The following ATL2 variants were observed in gnomAD, a reference collection of about 807,000 sequenced individuals.
The protein encoded by ATL2 is atlastin-2.
A neutral mutation model predicts 73.9 loss-of-function variants in ATL2; 31 were observed. The observed-to-expected ratio is 0.42, with a 90% CI of 0.32 to 0.57. The LOEUF (loss-of-function observed/expected upper bound fraction) is 0.57, where lower values mean the gene tolerates loss of function less well. ATL2 is among the 20% of genes least tolerant of loss of function. ATL2 has a pLI of 0.14. For missense variants in ATL2, 738 were observed against 702.6 expected, an observed-to-expected ratio of 1.05 and a Z score of -0.57; for synonymous variants, 291 against 237.5, an observed-to-expected ratio of 1.23 and a Z score of -2.07.
At chr2:38,309,664 C>G (rs1667640521) in intron 8 of ATL2, among the ~76,000 whole-genome samples, 158 bp from the exon 9 acceptor site, 2 of 151,998 alleles carry the variant, frequency 1.3e-5, no homozygotes, top group Admixed American at 1.3e-4. Context: ...CATGCCATAT[C>G]TCATAGGAAA....
intron 2 of ATL2, among the ~76,000 whole-genome samples, chr2:38,338,948 C>A (rs367629309): frequency 2.0e-5 from 3 of 152,156 alleles, no homozygotes; most frequent in African/African-American, 7.2e-5. Context: ...GATCACCAGG[C>A]TCACACCTTT....
At chr2:38,327,243 G>C (rs1668713183) in intron 2 of ATL2, among the ~76,000 whole-genome samples, 1 of 151,898 alleles carries the variant, frequency 6.6e-6, no homozygotes, top group Admixed American at 6.6e-5. Flanking sequence ...AGGATAATAA[G>C]GTAAAATAAA....
chr2:38,303,971 AAAC>A lies in ATL2; in HGVS notation c.1072-3646_1072-3644del, dbSNP rs545476802. On this transcript the variant is annotated intron_variant, in intron 9 of 12. Transcript: ENST00000378954. ...CGTAGAGAAATGACGTCTCTGTTAAAAACAACAACAGGCCAGGCACGGTGGCTC... is the reference window on the plus strand; with the variant it reads ...CGTAGAGAAATGACGTCTCTGTTAAAAACAACAGGCCAGGCACGGTGGCTC... Among the ~76,000 whole-genome samples, 762 of 152,238 alleles carry A rather than the reference AAAC, an allele frequency of 5.0e-3. 5 individuals are homozygous for A. The highest frequency in any genetic ancestry group is 9.0e-3 in the Non-Finnish European group (609 of 68,008).
At chr2:38,370,095 C>T (rs1671582448) in intron 1 of ATL2, among the ~76,000 whole-genome samples, 1 of 133,072 alleles carries the variant, frequency 7.5e-6, no homozygotes, top group African/African-American at 3.0e-5. Flanking sequence ...GCGGAGCCTG[C>T]AGTGAGCCGA....
chr2:38,347,766 C>A (rs1284638239), intron 1 of ATL2, among the ~76,000 whole-genome samples: 1 of 146,562 alleles, frequency 6.8e-6, no homozygotes, highest in African/African-American at 2.6e-5. Context: ...TCTGCCCTTA[C>A]CTTTTTTTTT....
rs142939675 is a variant in ATL2 at position 38,346,774 on chromosome 2, T to C, written c.119-3262A>G. 3.3e-3 allele frequency among the ~76,000 whole-genome samples: 497 copies of C among 152,286 alleles called. 4 individuals are homozygous for C. Among genetic ancestry groups the C allele is most frequent in the African/African-American group, 0.011 (474 of 41,552 alleles). On this transcript the variant is annotated intron_variant, in intron 1 of 12. Transcript: ENST00000378954. The stretch of plus-strand genomic sequence containing the variant: ...CCCTCTTGCTGTGCGGCCCAGTTCC[T>C]AACAGGCCACGGACGAGTACCAGTC...
At chr2:38,333,331 T>C (rs1029259919) in intron 2 of ATL2, among the ~76,000 whole-genome samples, 1 of 152,040 alleles carries the variant, frequency 6.6e-6, no homozygotes, top group Non-Finnish European at 1.5e-5. Flanking sequence ...ACAAGCTAAA[T>C]AGCAAAATTG....
intron 4 of ATL2, among the ~76,000 whole-genome samples, chr2:38,318,134 T>C (rs1668122619): frequency 6.6e-6 from 1 of 152,130 alleles, no homozygotes. Flanking sequence ...CACTCCAACC[T>C]GGGCAACATA....
At chr2:38,303,410 T>C (rs1349547226) in intron 9 of ATL2, among the ~76,000 whole-genome samples, 1 of 151,988 alleles carries the variant, frequency 6.6e-6, no homozygotes, top group East Asian at 1.9e-4. Flanking sequence ...TTCACCATGT[T>C]GCCCAGACTG....
intron 2 of ATL2, among the ~76,000 whole-genome samples, chr2:38,323,881 A>G (rs1256022477): frequency 6.6e-6 from 1 of 152,170 alleles, no homozygotes; most frequent in East Asian, 1.9e-4. Flanking sequence ...ACTGCTGGCA[A>G]GCTGACTCCC....
intron 1 of ATL2, among the ~76,000 whole-genome samples, chr2:38,370,042 T>C (rs986666139): frequency 6.9e-6 from 1 of 144,724 alleles, no homozygotes; most frequent in African/African-American, 2.6e-5. Flanking sequence ...TAGTCCCAGG[T>C]ACTCGGGAGG....
At chr2:38,321,595 C>G (rs1045297844) in intron 2 of ATL2, among the ~76,000 whole-genome samples, 2 of 152,208 alleles carry the variant, frequency 1.3e-5, no homozygotes, top group African/African-American at 4.8e-5. Flanking sequence ...TCCATAGTCA[C>G]TGAATGTTCA....
intron 1 of ATL2, among the ~76,000 whole-genome samples, chr2:38,360,894 A>G (rs912747782): frequency 6.6e-6 from 1 of 151,930 alleles, no homozygotes; most frequent in Admixed American, 6.6e-5. Context: ...AGAACGAAAC[A>G]TGGTTCCTTG....
At chr2:38,303,018 T>C (rs565282430) in intron 9 of ATL2, among the ~76,000 whole-genome samples, 3 of 152,202 alleles carry the variant, frequency 2.0e-5, no homozygotes, top group African/African-American at 7.2e-5. Context: ...CAGAGATAAC[T>C]GACCTTTCAG....
intron 10 of ATL2, 40 bp from the exon 11 acceptor site, chr2:38,299,367 CTA>C (rs1236000415): frequency 6.7e-7 from 1 of 1,500,702 alleles, no homozygotes; most frequent in Non-Finnish European, 8.8e-7. Flanking sequence ...AAAAAATACT[CTA>C]TGACTCTAAA....
intron 9 of ATL2, among the ~76,000 whole-genome samples, chr2:38,302,770 C>G (rs1397537904): frequency 1.3e-5 from 2 of 152,158 alleles, no homozygotes; most frequent in African/African-American, 4.8e-5. Context: ...TTGAAATGTC[C>G]CTAATGCAGA....
chr2:38,343,642 T>C (rs1301167451), intron 1 of ATL2, 130 bp from the exon 2 acceptor site: 1 of 800,682 alleles, frequency 1.2e-6, no homozygotes, highest in East Asian at 2.7e-5. Context: ...ATTATAATGT[T>C]CCTTTGGATT....
chr2:38,370,086 C>T (rs1392576062), intron 1 of ATL2, among the ~76,000 whole-genome samples: 7 of 128,782 alleles, frequency 5.4e-5, no homozygotes, highest in African/African-American at 2.1e-4. Context: ...CCCCGGGGGG[C>T]GGAGCCTGCA....
chr2:38,361,143 G>A (rs1046548689), intron 1 of ATL2, among the ~76,000 whole-genome samples: 3 of 151,898 alleles, frequency 2.0e-5, no homozygotes, highest in African/African-American at 7.2e-5. Context: ...CACGAGGTCA[G>A]GAGATCGAGA....
Sources: allele counts gnomAD v4.1 joint callset (sites outside exome capture counted in the v4.1 genomes callset), GRCh38; gene constraint gnomAD v4.1.1; transcripts MANE v1.5; gene names NCBI Gene and HGNC (gene_info 2026-07-23, HGNC 2026-07-21).